The following CTNNA3 variants were observed in gnomAD, a reference collection of about 807,000 sequenced individuals.
CTNNA3 encodes the protein catenin alpha-3.
In CTNNA3, 76 loss-of-function variants were observed where a neutral mutation model predicts 95.7. The ratio of observed to expected loss-of-function variants is 0.79; its 90% CI spans 0.66 to 0.96. The LOEUF is 0.96. CTNNA3 is among the 40% of genes least tolerant of loss of function. The probability of loss-of-function intolerance (pLI) is 0.00; values close to 1 mark genes in which losing one functional copy is unlikely to be tolerated. For missense variants in CTNNA3, 1,191 were observed against 1,089.8 expected (o/e 1.09, Z -1.31); for synonymous variants, 431 against 374.4 (o/e 1.15, Z -1.74).
intron 9 of CTNNA3, among the ~76,000 whole-genome samples, chr10:66,714,009 G>A (rs10997344): frequency 6.6e-6 from 1 of 151,898 alleles, no homozygotes; most frequent in Non-Finnish European, 1.5e-5. Flanking sequence ...AGAATATAAT[G>A]AAGTAAAAAT....
intron 7 of CTNNA3, among the ~76,000 whole-genome samples, chr10:67,168,984 A>C (rs972977141): frequency 2.0e-5 from 3 of 152,194 alleles, no homozygotes; most frequent in African/African-American, 7.2e-5. Context: ...GTATTCCTAC[A>C]CACCAATAAC....
intron 5 of CTNNA3, among the ~76,000 whole-genome samples, chr10:67,232,558 GC>G (rs2132303958): frequency 6.6e-6 from 1 of 152,034 alleles, no homozygotes; most frequent in African/African-American, 2.4e-5. Flanking sequence ...GCAAAATCAT[GC>G]CAAAATGTAA....
chr10:67,062,528 T>C (rs1744788687), intron 7 of CTNNA3, among the ~76,000 whole-genome samples: 1 of 152,172 alleles, frequency 6.6e-6, no homozygotes, highest in African/African-American at 2.4e-5. Context: ...TGTGTGTGTC[T>C]GTGTGTCTGC....
At chr10:66,528,427 T>A (rs1841344948) in intron 10 of CTNNA3, among the ~76,000 whole-genome samples, 1 of 152,172 alleles carries the variant, frequency 6.6e-6, no homozygotes, top group Non-Finnish European at 1.5e-5. Context: ...TATTTAGGAT[T>A]TTCAGACTGT....
At chr10:67,726,605 T>A (rs1589582328) in intron 1 of CTNNA3, among the ~76,000 whole-genome samples, 6 of 26,984 alleles carry the variant, frequency 2.2e-4, no homozygotes, top group African/African-American at 7.1e-4. Flanking sequence ...ATATTACATA[T>A]TATATAATAT....
At chr10:65,965,784 A>G (rs894225979) in intron 17 of CTNNA3, among the ~76,000 whole-genome samples, 6 of 152,086 alleles carry the variant, frequency 3.9e-5, no homozygotes, top group Non-Finnish European at 7.4e-5. Context: ...GGACTGTCGA[A>G]TGCCAGGATA....
intron 13 of CTNNA3, among the ~76,000 whole-genome samples, chr10:66,124,027 T>TA (rs1193943527): frequency 6.6e-6 from 1 of 152,094 alleles, no homozygotes; most frequent in Non-Finnish European, 1.5e-5. Context: ...CCTCATTACT[T>TA]ACGCAAATTT....
intron 3 of CTNNA3, among the ~76,000 whole-genome samples, chr10:67,554,136 C>T (rs1841142014): frequency 1.3e-5 from 2 of 152,212 alleles, no homozygotes; most frequent in South Asian, 2.1e-4. Flanking sequence ...ATATGTGTCA[C>T]ATTTTCTTAA....
chr10:67,283,086 A>G (rs960913764), intron 5 of CTNNA3, among the ~76,000 whole-genome samples: 1 of 152,228 alleles, frequency 6.6e-6, no homozygotes, highest in South Asian at 2.1e-4. Flanking sequence ...AGAAGAATCT[A>G]GACAGACAGG....
At chr10:67,204,619 A>C (rs949502799) in intron 6 of CTNNA3, among the ~76,000 whole-genome samples, 2 of 152,198 alleles carry the variant, frequency 1.3e-5, no homozygotes, top group Non-Finnish European at 2.9e-5. Flanking sequence ...TCTAAAACAA[A>C]GTATGTTGAT....
intron 7 of CTNNA3, among the ~76,000 whole-genome samples, chr10:66,780,977 C>T (rs1840512167): frequency 6.6e-6 from 1 of 151,184 alleles, no homozygotes; most frequent in South Asian, 2.1e-4. Context: ...CAATTTCTTG[C>T]ATAAACAGCC....
At position 65,926,718 on chromosome 10, in the gene CTNNA3, C is replaced by T. The variant is rs142029959; in HGVS notation, c.2401-6101G>A. 2.9e-3 allele frequency among the ~76,000 whole-genome samples: 449 copies of T among 152,222 alleles called. 3 individuals are homozygous for T. Among genetic ancestry groups the T allele is most frequent in the African/African-American group, 9.8e-3 (409 of 41,548 alleles). On this transcript the variant is annotated intron_variant, in intron 17 of 17. Transcript: ENST00000433211. ...CTTGAACTCCCAACCTTAGGTGATC[C>T]GCCTGCCTTGGCCTCCCAAAGTGCT... is the stretch of plus-strand genomic sequence containing the variant.
Position 67,199,616 on chromosome 10 carries a change from A to G in CTNNA3, c.844-19096T>C, listed in dbSNP as rs187248842. ...AATCTCCTGACCTCATATTCCACCC[A>G]CCTCGGCCTCCCAAAGTGCTGGGAT... On this transcript the variant is annotated intron_variant, in intron 6 of 17. Transcript: ENST00000433211. 1.6e-3 allele frequency among the ~76,000 whole-genome samples: 241 copies of G among 151,718 alleles called. 3 individuals carry two copies. The highest frequency in any genetic ancestry group is 5.6e-3 in the African/African-American group (232 of 41,372).
chr10:67,627,632 T>G (rs7089903), intron 2 of CTNNA3, among the ~76,000 whole-genome samples: 20,188 of 152,118 alleles, frequency 0.13, 2,406 homozygotes, highest in African/African-American at 0.32. Flanking sequence ...CATTAATTAT[T>G]AAGCATAGTT....
chr10:66,625,770 G>T (rs1294882355), intron 9 of CTNNA3, among the ~76,000 whole-genome samples: 1 of 152,104 alleles, frequency 6.6e-6, no homozygotes, highest in Non-Finnish European at 1.5e-5. Context: ...CTTTCACTCA[G>T]CAGAGAACAT....
chr10:66,075,507 T>C (rs1343906420), intron 14 of CTNNA3, among the ~76,000 whole-genome samples: 1 of 151,772 alleles, frequency 6.6e-6, no homozygotes, highest in East Asian at 1.9e-4. Flanking sequence ...ATAAATAATG[T>C]ATATAAATGT....
chr10:66,211,983 GTTT>G (rs61453326), intron 13 of CTNNA3, among the ~76,000 whole-genome samples: 3,706 of 94,812 alleles, frequency 0.039, 27 homozygotes, highest in African/African-American at 0.062. Context: ...TTGTTTTTGG[GTTT>G]TTTTTTTTTT....
chr10:66,527,408 A>G (rs554831278), intron 10 of CTNNA3, among the ~76,000 whole-genome samples: 2 of 152,256 alleles, frequency 1.3e-5, no homozygotes, highest in East Asian at 1.9e-4. Context: ...GAGATTCCAT[A>G]TGAAATTGAG....
chr10:66,189,705 G>A (rs1233614461), intron 13 of CTNNA3, among the ~76,000 whole-genome samples: 2 of 148,594 alleles, frequency 1.3e-5, no homozygotes, highest in African/African-American at 5.0e-5. Context: ...TTACATAGTA[G>A]GAAAAATAAT....
Sources: gnomAD v4.1 joint callset for allele counts (sites outside exome capture counted in the v4.1 genomes callset) on GRCh38, gnomAD v4.1.1 for gene constraint, MANE v1.5 for transcripts, NCBI Gene and HGNC (gene_info 2026-07-23, HGNC 2026-07-21) for gene names.